ARB2A: variants seen among roughly 807,000 people sequenced by gnomAD.
ARB2A encodes ARB2 cotranscriptional regulator A.
the ARB2A span, among the ~76,000 whole-genome samples, chr5:93,873,303 G>A: frequency 4.8e-4 from 1 of 2,064 alleles, no homozygotes; most frequent in Non-Finnish European, 4.1e-3. Flanking sequence ...AAAAAAAAAG[G>A]GGGGGGGGAA....
chr5:93,722,904 C>T, the ARB2A span, among the ~76,000 whole-genome samples: 34 of 152,190 alleles, frequency 2.2e-4, no homozygotes, highest in African/African-American at 5.8e-4. Flanking sequence ...AGATTTTAAG[C>T]GTTCCTCTTA....
chr5:93,923,103 A>G, the ARB2A span, among the ~76,000 whole-genome samples: 1 of 151,932 alleles, frequency 6.6e-6, no homozygotes, highest in African/African-American at 2.4e-5. Context: ...CAGCCTATTC[A>G]ACATGAAGAC....
the ARB2A span, among the ~76,000 whole-genome samples, chr5:94,099,361 A>G: frequency 2.0e-5 from 3 of 152,114 alleles, no homozygotes; most frequent in Admixed American, 6.5e-5. Context: ...ACGGTGGCTC[A>G]TGCCTGTAAT....
the ARB2A span, among the ~76,000 whole-genome samples, chr5:93,765,194 G>A: frequency 6.6e-6 from 1 of 152,142 alleles, no homozygotes; most frequent in African/African-American, 2.4e-5. Context: ...GTTCTGGCCA[G>A]GGCAATTAGG....
At chr5:93,790,734 A>G in the ARB2A span, among the ~76,000 whole-genome samples, 2 of 152,194 alleles carry the variant, frequency 1.3e-5, no homozygotes, top group African/African-American at 4.8e-5. Context: ...TGTTTTCTAC[A>G]TAGAGGTAGT....
At chr5:93,885,268 TATA>T in the ARB2A span, among the ~76,000 whole-genome samples, 1 of 151,568 alleles carries the variant, frequency 6.6e-6, no homozygotes, top group Non-Finnish European at 1.5e-5. Flanking sequence ...AGGCATCAAG[TATA>T]ATATCTTAAA....
the ARB2A span, among the ~76,000 whole-genome samples, chr5:93,823,739 G>A: frequency 1.3e-5 from 2 of 151,994 alleles, no homozygotes; most frequent in African/African-American, 2.4e-5. Flanking sequence ...GGCGGATGAC[G>A]AGGTCAGGAG....
the ARB2A span, among the ~76,000 whole-genome samples, chr5:93,857,196 G>A: frequency 6.6e-6 from 1 of 152,134 alleles, no homozygotes; most frequent in African/African-American, 2.4e-5. Context: ...GCCCCTACTG[G>A]GTGGTGCCTC....
At chr5:93,619,315 A>G in the ARB2A span, 8 of 152,224 alleles carry the variant, frequency 5.3e-5, no homozygotes, top group African/African-American at 1.9e-4. Context: ...CTTAAGTAAC[A>G]CGAAAATATA....
the ARB2A span, among the ~76,000 whole-genome samples, chr5:93,952,172 A>C: frequency 6.6e-6 from 1 of 152,266 alleles, no homozygotes; most frequent in East Asian, 1.9e-4. Flanking sequence ...CTACAAATTC[A>C]GTGCAATCCC....
the ARB2A span, among the ~76,000 whole-genome samples, chr5:94,057,533 G>A: frequency 6.6e-6 from 1 of 152,040 alleles, no homozygotes; most frequent in Non-Finnish European, 1.5e-5. Context: ...CAGTTAAAAT[G>A]GTAAGTTTTA....
chr5:93,824,497 C>A, the ARB2A span, among the ~76,000 whole-genome samples: 1 of 151,898 alleles, frequency 6.6e-6, no homozygotes, highest in Non-Finnish European at 1.5e-5. Flanking sequence ...TTAAAAAAAA[C>A]ACTTTATTTC....
chr5:94,100,638 T>C, the ARB2A span, among the ~76,000 whole-genome samples: 1 of 151,882 alleles, frequency 6.6e-6, no homozygotes, highest in African/African-American at 2.4e-5. Context: ...AGGCCACACA[T>C]CTACGACCAT....
chr5:93,742,526 G>C, the ARB2A span, among the ~76,000 whole-genome samples: 4 of 152,186 alleles, frequency 2.6e-5, no homozygotes, highest in Non-Finnish European at 5.9e-5. Flanking sequence ...GAAAGCTAAG[G>C]AGGGAGGGAG....
the ARB2A span, among the ~76,000 whole-genome samples, chr5:94,072,018 A>G: frequency 1.3e-5 from 2 of 152,168 alleles, no homozygotes; most frequent in Non-Finnish European, 2.9e-5. Context: ...AGACAATGGA[A>G]TATTACTCAT....
the ARB2A span, among the ~76,000 whole-genome samples, chr5:94,043,882 A>AT: frequency 1.3e-5 from 2 of 152,262 alleles, no homozygotes; most frequent in Non-Finnish European, 2.9e-5. Context: ...GCTGCACTTT[A>AT]TACAAATAAT....
At chr5:94,038,627 A>G in the ARB2A span, among the ~76,000 whole-genome samples, 2 of 152,138 alleles carry the variant, frequency 1.3e-5, no homozygotes. Context: ...CTTACACAAT[A>G]AGTTTAATTT....
chr5:93,686,299 G>A, the ARB2A span, among the ~76,000 whole-genome samples: 1 of 152,080 alleles, frequency 6.6e-6, no homozygotes, highest in South Asian at 2.1e-4. Flanking sequence ...TGTAATCCTG[G>A]GAGTCTTCAA....
the ARB2A span, among the ~76,000 whole-genome samples, chr5:94,027,123 C>T: frequency 1.3e-5 from 2 of 152,148 alleles, no homozygotes. Context: ...ACCCAACATC[C>T]TTGGGGGTAA....
Sources: allele counts gnomAD v4.1 joint callset (sites outside exome capture counted in the v4.1 genomes callset), GRCh38; gene constraint gnomAD v4.1.1; transcripts MANE v1.5; gene names NCBI Gene and HGNC (gene_info 2026-07-23, HGNC 2026-07-21).